NPAT: variants seen among roughly 807,000 people sequenced by gnomAD.
NPAT encodes the protein protein NPAT.
NPAT carries 52 observed loss-of-function variants against 130.7 expected under a neutral mutation model. That is an observed-to-expected ratio of 0.40 (90% CI 0.32 to 0.50). The LOEUF (loss-of-function observed/expected upper bound fraction) is 0.50, where lower values mean the gene tolerates loss of function less well. Ranked by LOEUF, NPAT falls within the 20% of genes least tolerant of loss-of-function variation. The pLI, the probability that NPAT is intolerant of heterozygous loss-of-function variation, is 0.68. For missense variants in NPAT, 1,687 were observed against 1,662.6 expected, an observed-to-expected ratio of 1.01 and a Z score of -0.26; for synonymous variants, 580 against 584.8, an observed-to-expected ratio of 0.99 and a Z score of 0.12.
At chr11:108,199,393 A>G (rs1349731677) in intron 1 of NPAT, among the ~76,000 whole-genome samples, 1 of 152,196 alleles carries the variant, frequency 6.6e-6, no homozygotes, top group Non-Finnish European at 1.5e-5. Flanking sequence ...CCCAGCAATG[A>G]GCCTAGAGGC....
At chr11:108,171,558 C>G (rs2077951881) in intron 13 of NPAT, 1 of 151,208 alleles carries the variant, frequency 6.6e-6, no homozygotes, top group South Asian at 2.1e-4. Context: ...GATCTTGGCT[C>G]ACTGAAACCT....
At chr11:108,183,710 G>A (rs537856811) in intron 10 of NPAT, among the ~76,000 whole-genome samples, 1 of 152,194 alleles carries the variant, frequency 6.6e-6, no homozygotes, top group African/African-American at 2.4e-5. Flanking sequence ...GCTGAGGCAG[G>A]AGAATCGTTT....
At chr11:108,198,418 C>T (rs1345418714) in intron 1 of NPAT, among the ~76,000 whole-genome samples, 1 of 152,124 alleles carries the variant, frequency 6.6e-6, no homozygotes, top group African/African-American at 2.4e-5. Context: ...AAGGAATCCA[C>T]GTCTAGAAAA....
rs2077808513 is a variant in NPAT at position 108,157,574 on chromosome 11, T to C, written c.*1368A>G. 1 of 152,048 alleles carries C rather than the reference T, an allele frequency of 6.6e-6. No homozygotes were observed. Among genetic ancestry groups the C allele is most frequent in the African/African-American group, 2.4e-5 (1 of 41,438 alleles). The allele number at this position is 152,048 out of a possible 1,614,324, so 9.4% of individuals were successfully genotyped here. A position where few individuals can be genotyped will look rare whatever the true frequency, so the allele number is the denominator to read the frequency against. On this transcript the variant is annotated 3_prime_UTR_variant, in exon 18 of 18. Coordinates refer to ENST00000278612, the MANE Select transcript of NPAT (RefSeq NM_002519.3). ...AATTAAGAAGACATGATTTCTACAC[T>C]GAGAAATGTTGTGTTAAAGTTGGAT... is the stretch of plus-strand genomic sequence containing the variant.
chr11:108,220,097 G>A (rs1026009704), intron 1 of NPAT, among the ~76,000 whole-genome samples: 2 of 152,182 alleles, frequency 1.3e-5, no homozygotes, highest in Admixed American at 1.3e-4. Context: ...AGGTAGGTAG[G>A]ATCAGTTCCA....
intron 1 of NPAT, among the ~76,000 whole-genome samples, chr11:108,210,077 C>T (rs1219471456): frequency 1.4e-5 from 2 of 147,964 alleles, no homozygotes; most frequent in Non-Finnish European, 3.0e-5. Context: ...GCTAGACCAA[C>T]CGAAAAAAAA....
intron 15 of NPAT, among the ~76,000 whole-genome samples, chr11:108,169,387 T>C (rs142549258): frequency 6.6e-6 from 1 of 152,330 alleles, no homozygotes; most frequent in African/African-American, 2.4e-5. Flanking sequence ...ATAGTTCATA[T>C]ACACACTAAA....
Position 108,161,158 on chromosome 11 carries a change from T to C in NPAT, c.3928A>G (p.Thr1310Ala), listed in dbSNP as rs919570675. 6.2e-7 allele frequency: 1 copy of C among 1,613,992 alleles called. No individual in the cohort carries two copies. Among genetic ancestry groups the C allele is most frequent in the Non-Finnish European group, 8.5e-7 (1 of 1,180,032 alleles). ...STSKVMVPPV[T>A]PDLPACSPAS... ...GGGCTGCAGGCAGGCAAGTCTGGGG[T>C]GACAGGAGGGACCATTACTTTTGAT... Residue 1310 changes from threonine to alanine, a missense_variant, in exon 17 of 18, where the codon ACC (threonine) becomes GCC (alanine). Physicochemically the swap from Thr to Ala is moderately conservative, Grantham distance 58. Around this residue, in one of 3 missense-constraint regions of NPAT, gnomAD observed 1,379 missense variants for 1,346.6 expected, o/e 1.02. Coordinates refer to ENST00000278612, the MANE Select transcript of NPAT (RefSeq NM_002519.3).
chr11:108,160,147 CAAA>C (rs777274843), intron 17 of NPAT, among the ~76,000 whole-genome samples: 11 of 100,306 alleles, frequency 1.1e-4, no homozygotes, highest in Admixed American at 3.3e-4. Flanking sequence ...GACTCTGTCT[CAAA>C]AAAAAAAAAA....
Position 108,192,908 on chromosome 11 carries a change from C to T in NPAT, c.218-718G>A, listed in dbSNP as rs189517769. Among the ~76,000 whole-genome samples, 8 of 151,938 alleles carry T rather than the reference C, an allele frequency of 5.3e-5. No individual in the cohort carries two copies. In the South Asian group the frequency reaches 6.2e-4, roughly 12 times the overall value. ...GACGGAGGTTGCGGTGAGCCGAGAT[C>T]GCGCCATTGCACTCCAGCCTGGGCA... On this transcript the variant is annotated intron_variant, in intron 3 of 17. Transcript: ENST00000278612.
chr11:108,200,439 G>A lies in NPAT; in HGVS notation c.38-3019C>T, dbSNP rs192107805. On this transcript the variant is annotated intron_variant, in intron 1 of 17. Coordinates refer to ENST00000278612, the MANE Select transcript of NPAT (RefSeq NM_002519.3). ...TAGGCAGGGCTATTTTAGCTGGTAC[G>A]GGACCCATCATCCTTATGGCTCCAG... is the stretch of plus-strand genomic sequence containing the variant. Among the ~76,000 whole-genome samples the A allele has an allele frequency of 2.1e-3, 317 of 152,192 alleles. 1 individual carries two copies. The highest frequency in any genetic ancestry group is 7.1e-3 in the African/African-American group (295 of 41,516).
chr11:108,163,640 G>C (rs1429614197), intron 15 of NPAT, among the ~76,000 whole-genome samples: 1 of 152,216 alleles, frequency 6.6e-6, no homozygotes, highest in Non-Finnish European at 1.5e-5. Context: ...TTGAGGAAGA[G>C]AGGTGAGAAA....
chr11:108,192,846 C>T (rs922450696), intron 3 of NPAT, among the ~76,000 whole-genome samples: 5 of 151,956 alleles, frequency 3.3e-5, no homozygotes, highest in South Asian at 2.1e-4. Context: ...CCCAGCTACT[C>T]GGGAGACTGA....
At chr11:108,166,989 T>C (rs1281809878) in intron 15 of NPAT, among the ~76,000 whole-genome samples, 1 of 152,232 alleles carries the variant, frequency 6.6e-6, no homozygotes, top group Non-Finnish European at 1.5e-5. Context: ...ACTTCCTTTA[T>C]ACTTTATCAT....
Position 108,170,037 on chromosome 11 carries a change from G to A in NPAT, c.2792C>T (p.Ala931Val). 6.3e-7 allele frequency: 1 copy of A among 1,598,918 alleles called. No homozygotes were observed. The highest frequency in any genetic ancestry group is 8.6e-7 in the Non-Finnish European group (1 of 1,166,434). ...CTGGACTGGAGAGGCAATTATTATG[G>A]CAGATCCTAAAAAAACAATTCTTGT... ...AVSPNFSQGS[A>V]IIIASPVQPV... Residue 931 changes from alanine (A) to valine (V), a missense_variant, in exon 14 of 18, where the codon GCC becomes GTC. Coordinates refer to ENST00000278612, the MANE Select transcript of NPAT (RefSeq NM_002519.3).
intron 10 of NPAT, among the ~76,000 whole-genome samples, chr11:108,184,242 C>T (rs866988895): frequency 5.3e-5 from 8 of 152,094 alleles, no homozygotes; most frequent in South Asian, 4.2e-4. Context: ...GAAGCCGAGG[C>T]GGGCAGATAA....
chr11:108,196,289 T>C (rs1210867012), intron 2 of NPAT, among the ~76,000 whole-genome samples: 1 of 152,218 alleles, frequency 6.6e-6, no homozygotes, highest in Non-Finnish European at 1.5e-5. Flanking sequence ...TACATGGACT[T>C]GTATGTGGTT....
At chr11:108,209,151 G>C (rs934338432) in intron 1 of NPAT, among the ~76,000 whole-genome samples, 1 of 151,924 alleles carries the variant, frequency 6.6e-6, no homozygotes, top group Non-Finnish European at 1.5e-5. Context: ...ATGGTGGCAG[G>C]CGCCTGTAAT....
rs1163722638 is a variant in NPAT at position 108,222,608 on chromosome 11, C to A, written c.-72G>T. ...AAAGCAAACACAGCGACAGCTCCTG[C>A]GCCGCATCTCCTGGTTCCAGTGGCG... On this transcript the variant is annotated 5_prime_UTR_variant, in exon 1 of 18. Coordinates refer to ENST00000278612, the MANE Select transcript of NPAT (RefSeq NM_002519.3). 2 of 1,536,052 alleles carry A rather than the reference C, an allele frequency of 1.3e-6. No homozygotes were observed. The highest frequency in any genetic ancestry group is 1.8e-6 in the Non-Finnish European group (2 of 1,115,632).
Sources: allele counts gnomAD v4.1 joint callset (sites outside exome capture counted in the v4.1 genomes callset), GRCh38; gene constraint gnomAD v4.1.1; regional missense constraint gnomAD v4.1.1; transcripts MANE v1.5; gene names NCBI Gene and HGNC (gene_info 2026-07-23, HGNC 2026-07-21).